Variants in KCNS1 observed in about 807,000 individuals in gnomAD.
The protein encoded by KCNS1 is potassium voltage-gated channel modifier subfamily S member 1.
In KCNS1, 26 loss-of-function variants were observed where a neutral mutation model predicts 33.1. The observed-to-expected ratio is 0.79, with a 90% CI of 0.58 to 1.09. KCNS1 has a LOEUF of 1.09. KCNS1 is among the 50% of genes least tolerant of loss of function. The pLI is 0.00. For synonymous variants in KCNS1, 299 were observed against 338.8 expected (o/e 0.88, Z 1.29); for missense variants, 702 against 752.4 (o/e 0.93, Z 0.78).
At chr20:45,095,494 C>T (rs1981156746) in intron 3 of KCNS1, among the ~76,000 whole-genome samples, 154 bp from the exon 4 acceptor site, 1 of 152,200 alleles carries the variant, frequency 6.6e-6, no homozygotes, top group African/African-American at 2.4e-5. Flanking sequence ...TGACTTTAAA[C>T]TAAGACCTTT....
chr20:45,098,029 C>A lies in KCNS1; in HGVS notation c.743G>T (p.Arg248Leu). The A allele has an allele frequency of 1.3e-6, 2 of 1,510,142 alleles. No individual in the cohort carries two copies. The highest frequency in any genetic ancestry group is 1.8e-6 in the Non-Finnish European group (2 of 1,133,270). 93.5% of individuals were successfully genotyped at this position (1,510,142 alleles called of 1,614,324 possible). A position where few individuals can be genotyped will look rare whatever the true frequency, so the allele number is the denominator to read the frequency against. The change falls in exon 3 of 4, where the codon CGC (arginine) becomes CTC (leucine). Residue 248 changes from arginine (R) to leucine (L), a missense_variant. Transcript: ENST00000537075. The surrounding 1 kb of genome is among the most constrained non-coding windows in gnomAD (Gnocchi z 5.2). ...CGCAGCCACGGCGGCCGCCGCCTCG[C>A]GGGCCTGGTACTCGGGCAGGCTGTG... The part of the protein sequence containing the change: ...CIHSLPEYQA[R>L]EAAAAVAAVA...
chr20:45,097,877 T>C lies in KCNS1; in HGVS notation c.895A>G (p.Asn299Asp). Residue 299 changes from asparagine to aspartate, a missense_variant, in exon 3 of 4, where the codon AAC (asparagine) becomes GAC (aspartate). This residue lies in a region of KCNS1 where 253 missense variants were observed against 327.4 expected (regional missense o/e 0.77). Coordinates refer to ENST00000537075, the MANE Select transcript of KCNS1 (RefSeq NM_001322799.2). ...SRLLLAPSTR[N>D]FFCHPLNLID... ...AGGTTGAGCGGGTGGCAGAAGAAGT[T>C]GCGCGTACTGGGCGCCAGCAGGAGG... 6.2e-7 allele frequency: 1 copy of C among 1,612,188 alleles called. No homozygotes were observed. Among genetic ancestry groups the C allele is most frequent in the South Asian group, 1.1e-5 (1 of 90,852 alleles).
rs764306069 is a variant in KCNS1 at position 45,098,194 on chromosome 20, C to G, written c.578G>C (p.Arg193Pro). Reference protein sequence around the residue: ...EISDVQRELARYGAARCGRLR... With the variant: ...EISDVQRELAPYGAARCGRLR... ...GCGGCCACAGCGCGCCGCGCCATAG[C>G]GCGCCAGTTCTCGCTGCACGTCGGA... The change falls in exon 3 of 4, where the codon CGC becomes CCC. Residue 193 changes from arginine to proline, a missense_variant. Coordinates refer to ENST00000537075, the MANE Select transcript of KCNS1 (RefSeq NM_001322799.2). This position sits in a 1 kb window ranked among gnomAD's most constrained non-coding sequence, Gnocchi z 5.2. The G allele has an allele frequency of 6.2e-7, 1 of 1,604,632 alleles. No individual in the cohort carries two copies. Among genetic ancestry groups the G allele is most frequent in the Non-Finnish European group, 8.5e-7 (1 of 1,176,394 alleles).
chr20:45,094,966 T>C lies in KCNS1; in HGVS notation c.1485A>G (p.Ala495=), dbSNP rs551483956. Reference sequence around the variant, plus strand: ...AGGTTTCTCGGGATGTCTCCAGAGATGCCTCCGACACCCCATCAATGCTGC... The same window carrying C: ...AGGTTTCTCGGGATGTCTCCAGAGACGCCTCCGACACCCCATCAATGCTGC... ...LLSSIDGVSE[A]SLETSRETSQ... The change falls in exon 4 of 4, where the codon GCA becomes GCG. Residue 495 remains alanine (A), a synonymous_variant. Coordinates refer to ENST00000537075, the MANE Select transcript of KCNS1 (RefSeq NM_001322799.2). The C allele has an allele frequency of 2.7e-4, 439 of 1,613,890 alleles. 9 individuals are homozygous for C. The South Asian group carries it at 4.5e-3, about 17-fold the overall frequency.
chr20:45,092,992 T>C lies in KCNS1; in HGVS notation c.*1878A>G, dbSNP rs1007281537. 2.6e-5 allele frequency: 4 copies of C among 152,080 alleles called. No individual in the cohort carries two copies. Among genetic ancestry groups the C allele is most frequent in the African/African-American group, 9.7e-5 (4 of 41,394 alleles). The allele number at this position is 152,080 out of a possible 1,614,324, so 9.4% of individuals were successfully genotyped here. ...GCTTCATGAGTATAGGGATATATTT[T>C]TCCACCACTGTATCTCTTGAGACTA... On this transcript the variant is annotated 3_prime_UTR_variant, in exon 4 of 4. Transcript: ENST00000537075.
Position 45,098,641 on chromosome 20 carries a change from C to T in KCNS1, c.131G>A (p.Arg44His). The T allele has an allele frequency of 2.7e-6, 4 of 1,474,270 alleles. No individual in the cohort carries two copies. The highest frequency in any genetic ancestry group is 1.4e-5 in the South Asian group (1 of 71,430). The allele number at this position is 1,474,270 out of a possible 1,614,324, so 91.3% of individuals were successfully genotyped here. ...CAGCGCCTCGTCGCTTCGCCGCCAG[C>T]GGATCCCGGTGTCGGGGCCCGGGAA... is the stretch of plus-strand genomic sequence containing the variant. Reference protein sequence around the residue: ...SEFPGPDTGIRWRRSDEALRV... With the variant: ...SEFPGPDTGIHWRRSDEALRV... Residue 44 changes from arginine (R) to histidine (H), a missense_variant, in exon 3 of 4, where the codon CGC becomes CAC. This residue lies in a region of KCNS1 where 374 missense variants were observed against 352.3 expected (regional missense o/e 1.06). Coordinates refer to ENST00000537075, the MANE Select transcript of KCNS1 (RefSeq NM_001322799.2). This position sits in a 1 kb window ranked among gnomAD's most constrained non-coding sequence, Gnocchi z 5.2.
In KCNS1 at chr20:45,091,341, T is replaced by G. The variant is rs1477038436; in HGVS notation, c.*3529A>C. ...GCATATGACTCAAGTGAAATCAGAC[T>G]CTCTCCTGGGATTGGAACTGTGAGC... is the stretch of plus-strand genomic sequence containing the variant. On this transcript the variant is annotated 3_prime_UTR_variant, in exon 4 of 4. Transcript: ENST00000537075. Among the ~76,000 whole-genome samples, 1 of 152,152 alleles carries G rather than the reference T, an allele frequency of 6.6e-6. No homozygotes were observed. Among genetic ancestry groups the G allele is most frequent in the African/African-American group, 2.4e-5 (1 of 41,440 alleles).
Position 45,098,272 on chromosome 20 carries a change from C to G in KCNS1, c.500G>C (p.Trp167Ser), listed in dbSNP as rs1394429261. Residue 167 changes from tryptophan to serine, a missense_variant, in exon 3 of 4, where the codon TGG (tryptophan) becomes TCG (serine). Physicochemically the swap from Trp to Ser is radical, Grantham distance 177. Transcript: ENST00000537075. The surrounding 1 kb of genome is among the most constrained non-coding windows in gnomAD (Gnocchi z 5.2). ...LERRLTQPHA[W>S]DEDSDTPSSV... ...GCTCGGCGTGTCGCTGTCCTCGTCC[C>G]AGGCGTGCGGCTGGGTCAGCCGCCT... 1 of 1,589,598 alleles carries G rather than the reference C, an allele frequency of 6.3e-7. No individual in the cohort carries two copies. The highest frequency in any genetic ancestry group is 1.1e-5 in the South Asian group (1 of 88,504).
At position 45,098,305 on chromosome 20, in the gene KCNS1, T is replaced by G; in HGVS notation, c.467A>C (p.Tyr156Ser). Residue 156 changes from tyrosine to serine, a missense_variant, in exon 3 of 4, where the codon TAC becomes TCC. Tyr to Ser is a moderately radical substitution (Grantham distance 144). Transcript: ENST00000537075. This position sits in a 1 kb window ranked among gnomAD's most constrained non-coding sequence, Gnocchi z 5.2. ...NALAACCRARYLERRLTQPHA... is the reference protein window; with the variant it reads ...NALAACCRARSLERRLTQPHA... Reference sequence around the variant, plus strand: ...CGGCTGGGTCAGCCGCCTCTCCAGGTAGCGCGCGCGGCAGCACGCGGCAAG... The same window carrying G: ...CGGCTGGGTCAGCCGCCTCTCCAGGGAGCGCGCGCGGCAGCACGCGGCAAG... The G allele has an allele frequency of 6.3e-7, 1 of 1,577,442 alleles. No individual in the cohort carries two copies. Among genetic ancestry groups the G allele is most frequent in the Non-Finnish European group, 8.6e-7 (1 of 1,163,944 alleles).
At position 45,098,597 on chromosome 20, in the gene KCNS1, C is replaced by A; in HGVS notation, c.175G>T (p.Val59Leu). 2.8e-6 allele frequency: 4 copies of A among 1,424,284 alleles called. No homozygotes were observed. The highest frequency in any genetic ancestry group is 3.7e-6 in the Non-Finnish European group (4 of 1,086,546). 88.2% of individuals were successfully genotyped at this position (1,424,284 alleles called of 1,614,324 possible). ...DEALRVNVGG[V>L]RRQLSARALA... ...GCGCGCGCGCTCAGCTGCCGCCGCA[C>A]GCCACCCACGTTCACGCGCAGCGCC... Residue 59 changes from valine to leucine, a missense_variant, in exon 3 of 4, where the codon GTG becomes TTG. This residue lies in a region of KCNS1 where 374 missense variants were observed against 352.3 expected (regional missense o/e 1.06). Transcript: ENST00000537075. The surrounding 1 kb of genome is among the most constrained non-coding windows in gnomAD (Gnocchi z 5.2).
chr20:45,098,733 G>C lies in KCNS1; in HGVS notation c.77-38C>G, dbSNP rs749718334. 1.9e-5 allele frequency: 26 copies of C among 1,336,486 alleles called. No individual in the cohort carries two copies. Among genetic ancestry groups the C allele is most frequent in the Non-Finnish European group, 2.4e-5 (25 of 1,042,876 alleles). The allele number at this position is 1,336,486 out of a possible 1,614,324, so 82.8% of individuals were successfully genotyped here. A position where few individuals can be genotyped will look rare whatever the true frequency, so the allele number is the denominator to read the frequency against. On this transcript the variant is annotated intron_variant, in intron 2 of 3. Coordinates refer to ENST00000537075, the MANE Select transcript of KCNS1 (RefSeq NM_001322799.2). This position sits in a 1 kb window ranked among gnomAD's most constrained non-coding sequence, Gnocchi z 5.2. ...GAAGGGCGCGCTGAGGAGTTCCCGG[G>C]CTTCCCTTCCTGGAAGACCAGGTTA...
chr20:45,096,876 C>A (rs1185763220), intron 3 of KCNS1, among the ~76,000 whole-genome samples: 1 of 152,370 alleles, frequency 6.6e-6, no homozygotes, highest in Admixed American at 6.5e-5. Context: ...CTCTGGGAAT[C>A]TCCTTCCCTC....
chr20:45,099,311 G>T lies in KCNS1; in HGVS notation c.-3-72C>A, dbSNP rs184811237. 42 of 811,476 alleles carry T rather than the reference G, an allele frequency of 5.2e-5. No individual in the cohort carries two copies. In the East Asian group the frequency reaches 1.1e-3, roughly 21 times the overall value. The allele number at this position is 811,476 out of a possible 1,614,324, so 50.3% of individuals were successfully genotyped here. A position where few individuals can be genotyped will look rare whatever the true frequency, so the allele number is the denominator to read the frequency against. On this transcript the variant is annotated intron_variant, in intron 1 of 3. Transcript: ENST00000537075. ...CTGAATCGGGAACTCTAAGGGTGGGGTCTAGCACTTTGTGTTCTAACAAGA... is the reference window on the plus strand; with the variant it reads ...CTGAATCGGGAACTCTAAGGGTGGGTTCTAGCACTTTGTGTTCTAACAAGA...
At chr20:45,096,088 C>G (rs1981175110) in intron 3 of KCNS1, among the ~76,000 whole-genome samples, 1 of 152,170 alleles carries the variant, frequency 6.6e-6, no homozygotes. Context: ...GCTGAGAACC[C>G]CTAGTCTAAA....
At chr20:45,097,180 T>C (rs916829069) in intron 3 of KCNS1, among the ~76,000 whole-genome samples, 6 of 152,202 alleles carry the variant, frequency 3.9e-5, no homozygotes, top group Non-Finnish European at 5.9e-5. Context: ...GGATGTGAAA[T>C]TGGCACAGAT....
At position 45,094,937 on chromosome 20, in the gene KCNS1, T is replaced by C; in HGVS notation, c.1514A>G (p.Gln505Arg). The C allele has an allele frequency of 6.2e-7, 1 of 1,613,948 alleles. No homozygotes were observed. Among genetic ancestry groups the C allele is most frequent in the Non-Finnish European group, 8.5e-7 (1 of 1,179,972 alleles). ...ASLETSRETSQEGQSADLESQ... is the reference protein window; with the variant it reads ...ASLETSRETSREGQSADLESQ... The stretch of plus-strand genomic sequence containing the variant: ...CTCTAGATCTGCAGACTGTCCCTCC[T>C]GAGAGGTTTCTCGGGATGTCTCCAG... The change falls in exon 4 of 4, where the codon CAG becomes CGG. Residue 505 changes from glutamine (Q) to arginine (R), a missense_variant. Physicochemically the swap from Gln to Arg is conservative, Grantham distance 43. Transcript: ENST00000537075.
chr20:45,095,484 T>G (rs1981156164), intron 3 of KCNS1, 144 bp from the exon 4 acceptor site: 1 of 733,004 alleles, frequency 1.4e-6, no homozygotes, highest in Admixed American at 3.0e-5. Context: ...CCAGGTCCCC[T>G]GACTTTAAAC....
In KCNS1 at chr20:45,096,652, C is replaced by CTTCTCTGGG. The variant is rs1981194014; in HGVS notation, c.1110+1001_1110+1009dup. Among the ~76,000 whole-genome samples the CTTCTCTGGG allele has an allele frequency of 2.0e-5, 3 of 152,156 alleles. No individual in the cohort carries two copies. The South Asian group carries it at 6.2e-4, about 32-fold the overall frequency. On this transcript the variant is annotated intron_variant, in intron 3 of 3. Coordinates refer to ENST00000537075, the MANE Select transcript of KCNS1 (RefSeq NM_001322799.2). ...TGCTGGAGCCAGGCACAGGTGGGTT[C>CTTCTCTGGG]TTCTCTGGGTTCTACTGCTTATTGA...
Position 45,097,942 on chromosome 20 carries a change from T to A in KCNS1, c.830A>T (p.Tyr277Phe). Residue 277 changes from tyrosine (Y) to phenylalanine (F), a missense_variant, in exon 3 of 4, where the codon TAC becomes TTC. Tyr to Phe is a conservative substitution (Grantham distance 22). This residue lies in a region of KCNS1 where 253 missense variants were observed against 327.4 expected (regional missense o/e 0.77). Transcript: ENST00000537075. Reference sequence around the variant, plus strand: ...GAAGCTGAACCAGGCGATGCAGAAGTACTCGAGGCGTCGCAGCACCGGGTC... The same window carrying A: ...GAAGCTGAACCAGGCGATGCAGAAGAACTCGAGGCGTCGCAGCACCGGGTC... ...RDDPVLRRLEYFCIAWFSFEV... is the reference protein window; with the variant it reads ...RDDPVLRRLEFFCIAWFSFEV... The A allele has an allele frequency of 6.3e-7, 1 of 1,581,412 alleles. No individual in the cohort carries two copies. Among genetic ancestry groups the A allele is most frequent in the Non-Finnish European group, 8.6e-7 (1 of 1,165,006 alleles).
Sources: gnomAD v4.1 joint callset for allele counts (sites outside exome capture counted in the v4.1 genomes callset) on GRCh38, gnomAD v4.1.1 for gene constraint, gnomAD v4.1.1 regional missense constraint, Gnocchi (gnomAD v3.1) non-coding constraint, MANE v1.5 for transcripts, NCBI Gene and HGNC (gene_info 2026-07-23, HGNC 2026-07-21) for gene names.